Variants in PARG observed in about 807,000 individuals in gnomAD.
The protein encoded by PARG is mitochondrial poly(ADP-ribose) glycohydrolase.
A neutral mutation model predicts 113.0 loss-of-function variants in PARG; 35 were observed. That is an observed-to-expected ratio of 0.31 (90% confidence interval 0.24 to 0.41). PARG has a LOEUF of 0.41. Ranked by LOEUF, PARG falls within the 10% of genes least tolerant of loss-of-function variation. The pLI, the probability that PARG is intolerant of heterozygous loss-of-function variation, is 1.00. For synonymous variants in PARG, 330 were observed against 409.9 expected (o/e 0.81, Z 2.36); for missense variants, 797 against 1,169.4 (o/e 0.68, Z 4.64).
chr10:49,821,220 C>G (rs1844059913), intron 16 of PARG, among the ~76,000 whole-genome samples: 1 of 152,082 alleles, frequency 6.6e-6, no homozygotes, highest in South Asian at 2.1e-4. Flanking sequence ...AATCACTGAG[C>G]CTGAAGTATG....
At chr10:49,886,351 G>A (rs1272720648) in intron 7 of PARG, among the ~76,000 whole-genome samples, 3 of 152,074 alleles carry the variant, frequency 2.0e-5, no homozygotes, top group Non-Finnish European at 4.4e-5. Context: ...AGCTGGACAG[G>A]GTATGTGTGT....
intron 4 of PARG, among the ~76,000 whole-genome samples, chr10:49,927,981 A>AG (rs1240856481): frequency 6.6e-6 from 1 of 151,868 alleles, no homozygotes; most frequent in Non-Finnish European, 1.5e-5. Flanking sequence ...AAAAAAAAAA[A>AG]AAGAAGAAGG....
intron 4 of PARG, among the ~76,000 whole-genome samples, chr10:49,929,040 T>C (rs1292641820): frequency 2.6e-5 from 4 of 152,234 alleles, no homozygotes; most frequent in African/African-American, 9.7e-5. Context: ...TAGTCTTGCA[T>C]TGCTGTTGTA....
chr10:49,832,764 G>T (rs1554830471), intron 16 of PARG, 39 bp downstream of exon 16: 5 of 1,192,984 alleles, frequency 4.2e-6, no homozygotes, highest in South Asian at 1.4e-5. Flanking sequence ...CTTTTTTTGT[G>T]TGGGCAGAAT....
intron 7 of PARG, among the ~76,000 whole-genome samples, chr10:49,889,149 TTAAAA>T (rs1847646396): frequency 6.6e-6 from 1 of 151,816 alleles, no homozygotes; most frequent in South Asian, 2.1e-4. Flanking sequence ...GATGGCTACT[TTAAAA>T]TAATTGTCAG....
chr10:49,918,470 T>C (rs1187984380), intron 6 of PARG, among the ~76,000 whole-genome samples: 1 of 152,234 alleles, frequency 6.6e-6, no homozygotes, highest in Admixed American at 6.5e-5. Flanking sequence ...TGGATACTAC[T>C]CTGTACTCTT....
At chr10:49,911,706 C>T (rs1414597830) in intron 7 of PARG, among the ~76,000 whole-genome samples, 3 of 152,184 alleles carry the variant, frequency 2.0e-5, no homozygotes, top group African/African-American at 7.2e-5. Flanking sequence ...TAGAGGTGCT[C>T]ACACACCAGG....
Position 49,935,154 on chromosome 10 carries a change from A to T in PARG, c.218-12T>A, listed in dbSNP as rs1390154649. The T allele has an allele frequency of 2.9e-5, 21 of 728,822 alleles. No homozygotes were observed. Among genetic ancestry groups the T allele is most frequent in the Non-Finnish European group, 4.7e-5 (19 of 408,242 alleles). 45.1% of individuals were successfully genotyped at this position (728,822 alleles called of 1,614,324 possible). A position where few individuals can be genotyped will look rare whatever the true frequency, so the allele number is the denominator to read the frequency against. On this transcript the variant is annotated splice_polypyrimidine_tract_variant and intron_variant, in intron 1 of 17. Coordinates refer to ENST00000616448, the MANE Select transcript of PARG (RefSeq NM_003631.5). ...CTTTTGTTTGAAAACTATAAAAAAAAATGTATATTCATACATTCCTTCAAA... is the reference window on the plus strand; with the variant it reads ...CTTTTGTTTGAAAACTATAAAAAAATATGTATATTCATACATTCCTTCAAA...
At chr10:49,922,211 T>G in intron 6 of PARG, 125 bp downstream of exon 6, 1 of 969,128 alleles carries the variant, frequency 1.0e-6, no homozygotes, top group South Asian at 1.7e-5. Context: ...GGGCCTTCCT[T>G]AGTGCCAGGA....
At chr10:49,912,925 C>T (rs1455847386) in intron 7 of PARG, among the ~76,000 whole-genome samples, 2 of 152,184 alleles carry the variant, frequency 1.3e-5, no homozygotes, top group East Asian at 1.9e-4. Flanking sequence ...GCTGTGACAG[C>T]ACCACTGCAC....
At chr10:49,922,853 T>C (rs1337358150) in intron 4 of PARG, among the ~76,000 whole-genome samples, 184 bp from the exon 5 acceptor site, 3 of 152,208 alleles carry the variant, frequency 2.0e-5, no homozygotes, top group African/African-American at 4.8e-5. Context: ...AGTCACCAGA[T>C]ATAGTATATA....
intron 1 of PARG, 42 bp downstream of exon 1, chr10:49,941,467 C>A: frequency 7.1e-7 from 1 of 1,417,288 alleles, no homozygotes; most frequent in Non-Finnish European, 9.7e-7. Context: ...CCAGAAGGTT[C>A]GGGCCGAGGC....
intron 4 of PARG, among the ~76,000 whole-genome samples, chr10:49,927,576 G>C (rs1838270441): frequency 6.6e-6 from 1 of 152,042 alleles, no homozygotes; most frequent in African/African-American, 2.4e-5. Flanking sequence ...AGCCTAAAAG[G>C]AAAATAAGAA....
chr10:49,889,048 T>G (rs1235665345), intron 7 of PARG, among the ~76,000 whole-genome samples: 1 of 126,256 alleles, frequency 7.9e-6, no homozygotes, highest in African/African-American at 3.1e-5. Context: ...TCCATTTGGT[T>G]TCTCTGGATA....
intron 16 of PARG, 105 bp from the exon 17 acceptor site, chr10:49,820,398 T>A: frequency 1.3e-6 from 1 of 765,620 alleles, no homozygotes; most frequent in Non-Finnish European, 2.1e-6. Flanking sequence ...GATTAAAGAT[T>A]TATAAACCCA....
chr10:49,852,177 T>C (rs1183687911), intron 13 of PARG, among the ~76,000 whole-genome samples: 2 of 152,152 alleles, frequency 1.3e-5, no homozygotes, highest in Admixed American at 6.5e-5. Flanking sequence ...AGACATCAAA[T>C]AGATGATGAA....
Position 49,843,646 on chromosome 10 carries a change from T to A in PARG, c.2354-14A>T. On this transcript the variant is annotated splice_polypyrimidine_tract_variant and intron_variant, in intron 13 of 17. Coordinates refer to ENST00000616448, the MANE Select transcript of PARG (RefSeq NM_003631.5). ...ACTGCTCAGTACCTGAAACAAACAA[T>A]CTGTCACTATTAACTTCACACTTGA... 6.6e-7 allele frequency: 1 copy of A among 1,512,356 alleles called. No individual in the cohort carries two copies. The highest frequency in any genetic ancestry group is 9.0e-7 in the Non-Finnish European group (1 of 1,111,310). The allele number at this position is 1,512,356 out of a possible 1,614,324, so 93.7% of individuals were successfully genotyped here.
chr10:49,822,030 C>A (rs1202231771), intron 16 of PARG, among the ~76,000 whole-genome samples: 1 of 152,066 alleles, frequency 6.6e-6, no homozygotes, highest in Non-Finnish European at 1.5e-5. Flanking sequence ...GGTGAAGCAA[C>A]TCTGAAACTA....
At chr10:49,917,426 T>C (rs1177600531) in intron 6 of PARG, among the ~76,000 whole-genome samples, 2 of 150,122 alleles carry the variant, frequency 1.3e-5, no homozygotes, top group South Asian at 2.1e-4. Flanking sequence ...GAGTCAGATG[T>C]TGCAGTGAGC....
Sources: gnomAD v4.1 joint callset for allele counts (sites outside exome capture counted in the v4.1 genomes callset) on GRCh38, gnomAD v4.1.1 for gene constraint, MANE v1.5 for transcripts, NCBI Gene and HGNC (gene_info 2026-07-23, HGNC 2026-07-21) for gene names.